The following FBXW10B variants were observed in gnomAD, a reference collection of about 807,000 sequenced individuals.
FBXW10B encodes the protein F-box and WD repeat domain containing protein 10B.
At chr17:15,578,532 T>A in the FBXW10B span, among the ~76,000 whole-genome samples, 1 of 152,170 alleles carries the variant, frequency 6.6e-6, no homozygotes, top group African/African-American at 2.4e-5. Flanking sequence ...AGGAGGCAGA[T>A]CAGAGAATTC....
chr17:15,609,848 C>CTTTT, the FBXW10B span, among the ~76,000 whole-genome samples: 2 of 129,972 alleles, frequency 1.5e-5, no homozygotes, highest in African/African-American at 6.4e-5. Flanking sequence ...CTCTTTCTTT[C>CTTTT]TTTCTTTTTT....
At chr17:15,577,760 C>T in the FBXW10B span, among the ~76,000 whole-genome samples, 2 of 152,154 alleles carry the variant, frequency 1.3e-5, no homozygotes, top group East Asian at 1.9e-4. Flanking sequence ...CATACCATAG[C>T]GTTCTCTCTT....
chr17:15,589,587 A>G, the FBXW10B span, among the ~76,000 whole-genome samples: 47 of 150,786 alleles, frequency 3.1e-4, no homozygotes, highest in Admixed American at 1.6e-3. Flanking sequence ...GTCTATAGTA[A>G]AACTATTGAA....
chr17:15,583,598 A>G, the FBXW10B span, among the ~76,000 whole-genome samples: 7 of 150,448 alleles, frequency 4.7e-5, no homozygotes, highest in African/African-American at 1.7e-4. Context: ...AGCCCACAGG[A>G]AGCTCCTCCC....
chr17:15,608,655 C>G, the FBXW10B span, among the ~76,000 whole-genome samples: 2 of 151,682 alleles, frequency 1.3e-5, no homozygotes, highest in African/African-American at 4.8e-5. Flanking sequence ...AGTTTCACCA[C>G]GTTGGCCAGG....
At chr17:15,607,601 G>A in the FBXW10B span, 14 of 1,613,770 alleles carry the variant, frequency 8.7e-6, no homozygotes, top group Non-Finnish European at 1.2e-5. Flanking sequence ...AACATTGTAG[G>A]TCCCACAGAA....
the FBXW10B span, among the ~76,000 whole-genome samples, chr17:15,578,793 G>T: frequency 1.3e-5 from 2 of 152,028 alleles, no homozygotes; most frequent in Non-Finnish European, 2.9e-5. Context: ...AAGATGAATT[G>T]GTGTAGCATA....
chr17:15,567,286 A>T, the FBXW10B span, among the ~76,000 whole-genome samples: 28 of 151,694 alleles, frequency 1.8e-4, no homozygotes, highest in South Asian at 8.3e-4. Flanking sequence ...AAAAAAAAAA[A>T]ACTGAGTGAA....
At chr17:15,595,918 CTT>C in the FBXW10B span, among the ~76,000 whole-genome samples, 6 of 140,780 alleles carry the variant, frequency 4.3e-5, no homozygotes, top group Non-Finnish European at 6.1e-5. Context: ...ATGCAATACT[CTT>C]TTTTTTTTTT....
the FBXW10B span, among the ~76,000 whole-genome samples, chr17:15,584,968 C>CTTT: frequency 0.05 from 6,270 of 125,764 alleles, 303 homozygotes; most frequent in East Asian, 0.16. Context: ...CCTTCTTCTT[C>CTTT]TTTTTTTTTT....
the FBXW10B span, among the ~76,000 whole-genome samples, chr17:15,580,370 C>T: frequency 6.6e-6 from 1 of 151,850 alleles, no homozygotes. Flanking sequence ...ATTATTAATT[C>T]CTCTGTTCTT....
At chr17:15,593,535 A>G in the FBXW10B span, 3 of 1,604,118 alleles carry the variant, frequency 1.9e-6, no homozygotes, top group Non-Finnish European at 1.7e-6. Context: ...CCATCCTCTC[A>G]TAAAATGCCT....
chr17:15,586,825 G>A, the FBXW10B span, among the ~76,000 whole-genome samples: 1 of 151,638 alleles, frequency 6.6e-6, no homozygotes, highest in Non-Finnish European at 1.5e-5. Flanking sequence ...GAGATAGAAG[G>A]GATAGAATAG....
the FBXW10B span, among the ~76,000 whole-genome samples, chr17:15,569,455 CTTTT>C: frequency 1.4e-4 from 8 of 59,194 alleles, no homozygotes; most frequent in East Asian, 7.0e-4. Context: ...TTTTCTTTTT[CTTTT>C]TTTTTTTTTT....
the FBXW10B span, among the ~76,000 whole-genome samples, chr17:15,590,848 T>G: frequency 6.6e-6 from 1 of 152,226 alleles, no homozygotes; most frequent in Non-Finnish European, 1.5e-5. Flanking sequence ...GCCTATCTGA[T>G]GGAGACACCC....
chr17:15,607,461 T>G, the FBXW10B span: 3 of 792,160 alleles, frequency 3.8e-6, no homozygotes, highest in Non-Finnish European at 6.1e-6. Flanking sequence ...GGGCTGGAGC[T>G]TGAGGTGAGG....
the FBXW10B span, among the ~76,000 whole-genome samples, chr17:15,605,045 A>T: frequency 1.3e-5 from 2 of 152,292 alleles, no homozygotes; most frequent in African/African-American, 4.8e-5. Context: ...AATGTTAAGC[A>T]ATATATACAT....
At chr17:15,585,703 T>A in the FBXW10B span, among the ~76,000 whole-genome samples, 1 of 152,216 alleles carries the variant, frequency 6.6e-6, no homozygotes, top group Non-Finnish European at 1.5e-5. Context: ...TTTGCTAATT[T>A]TTTTCAAAAC....
chr17:15,604,816 C>T, the FBXW10B span, among the ~76,000 whole-genome samples: 1 of 152,048 alleles, frequency 6.6e-6, no homozygotes, highest in East Asian at 1.9e-4. Context: ...GGATTACAGG[C>T]GTGAGCCACC....
Sources: allele counts gnomAD v4.1 joint callset (sites outside exome capture counted in the v4.1 genomes callset), GRCh38; gene constraint gnomAD v4.1.1; transcripts MANE v1.5; gene names NCBI Gene and HGNC (gene_info 2026-07-23, HGNC 2026-07-21).